Variants in PMS1 observed in about 807,000 individuals in gnomAD.
PMS1 encodes the protein PMS1 protein homolog 1.
A neutral mutation model predicts 93.1 loss-of-function variants in PMS1; 79 were observed. That is an observed-to-expected ratio of 0.85 (90% CI 0.71 to 1.02). The LOEUF (loss-of-function observed/expected upper bound fraction) is 1.02, where lower values mean the gene tolerates loss of function less well. Among genes scored for constraint, PMS1 ranks in the 50% least tolerant of loss-of-function variants. PMS1 has a pLI of 0.00. For missense variants in PMS1, 1,064 were observed against 1,085.3 expected, an observed-to-expected ratio of 0.98 and a Z score of 0.28; for synonymous variants, 335 against 363.4, an observed-to-expected ratio of 0.92 and a Z score of 0.89.
intron 1 of PMS1, among the ~76,000 whole-genome samples, chr2:189,789,777 A>G (rs1351734768): frequency 2.0e-5 from 3 of 152,190 alleles, no homozygotes; most frequent in African/African-American, 7.2e-5. Context: ...GTCATGGGAA[A>G]CAAAGTACCT....
chr2:189,815,096 C>CA (rs529543530), intron 4 of PMS1, among the ~76,000 whole-genome samples: 851 of 61,264 alleles, frequency 0.014, 5 homozygotes, highest in African/African-American at 0.034. Flanking sequence ...GACTCCATCT[C>CA]AAAAAAAAAA....
chr2:189,861,559 G>A (rs1305197086), intron 9 of PMS1, among the ~76,000 whole-genome samples: 4 of 151,928 alleles, frequency 2.6e-5, no homozygotes, highest in Non-Finnish European at 4.4e-5. Flanking sequence ...AGACCAGCCT[G>A]GCCAACATGG....
intron 4 of PMS1, among the ~76,000 whole-genome samples, chr2:189,815,946 C>G (rs10198268): frequency 6.6e-6 from 1 of 152,262 alleles, no homozygotes; most frequent in African/African-American, 2.4e-5. Flanking sequence ...TTCTGTCACC[C>G]GGGCTTGAGT....
intron 5 of PMS1, among the ~76,000 whole-genome samples, chr2:189,830,996 A>G (rs759545132): frequency 6.6e-6 from 1 of 152,086 alleles, no homozygotes. Flanking sequence ...AGTAGGAACA[A>G]CTCTGAACGT....
Position 189,867,890 on chromosome 2 carries a change from C to T in PMS1, c.2434C>T (p.Arg812Cys), listed in dbSNP as rs371745827. ...TGGATCAACTTACCTGTCTGATCCT[C>T]GTCTTACAGCGAATGGTTTCAAGAT... Reference protein sequence around the residue: ...YSGSTYLSDPRLTANGFKIKL... With the variant: ...YSGSTYLSDPCLTANGFKIKL... The change falls in exon 11 of 13, where the codon CGT becomes TGT. Residue 812 changes from arginine to cysteine, a missense_variant. Arg to Cys is a radical substitution (Grantham distance 180, BLOSUM62 -3). Coordinates refer to ENST00000441310, the MANE Select transcript of PMS1 (RefSeq NM_000534.5). The T allele has an allele frequency of 2.5e-5, 40 of 1,608,706 alleles. 1 individual carries two copies. The African/African-American group carries it at 2.5e-4, about 10-fold the overall frequency.
rs759105195 is a variant in PMS1 at position 189,854,871 on chromosome 2, T to G, written c.1599T>G (p.Tyr533Ter). ...CATGTAAAGTAAGTAATAATAATTATCCAATCCCTGAACAAATGAATCTTA... is the reference window on the plus strand; with the variant it reads ...CATGTAAAGTAAGTAATAATAATTAGCCAATCCCTGAACAAATGAATCTTA... Reference protein sequence around the residue: ...SLPCKVSNNNYPIPEQMNLNE... With the variant: ...SLPCKVSNNN The change falls in exon 9 of 13, where the codon TAT becomes TAG. Residue 533 changes from tyrosine (Y) to a stop codon, truncating the protein, a stop_gained. Transcript: ENST00000441310. LOFTEE classifies it high-confidence loss of function. 4 of 1,609,102 alleles carry G rather than the reference T, an allele frequency of 2.5e-6. No homozygotes were observed. In the East Asian group the frequency reaches 8.9e-5, roughly 36 times the overall value.
At chr2:189,845,450 G>A (rs748503288) in intron 6 of PMS1, among the ~76,000 whole-genome samples, 4 of 151,322 alleles carry the variant, frequency 2.6e-5, no homozygotes, top group African/African-American at 7.3e-5. Flanking sequence ...GTAGTTTTTC[G>A]CTTTTTCTGG....
chr2:189,867,605 A>G (rs1324255984), intron 10 of PMS1, among the ~76,000 whole-genome samples, 194 bp from the exon 11 acceptor site: 1 of 152,212 alleles, frequency 6.6e-6, no homozygotes, highest in Admixed American at 6.5e-5. Context: ...TTCTTTCTGT[A>G]TACTGTGTGC....
intron 6 of PMS1, among the ~76,000 whole-genome samples, chr2:189,849,867 C>CTTTTTTTTTTT (rs751444288): frequency 8.4e-6 from 1 of 118,896 alleles, no homozygotes; most frequent in Non-Finnish European, 1.8e-5. Flanking sequence ...TATTTTTAAA[C>CTTTTTTTTTTT]TTTTTTTTTT....
chr2:189,804,725 T>A (rs1440031183), intron 3 of PMS1, among the ~76,000 whole-genome samples: 1 of 152,094 alleles, frequency 6.6e-6, no homozygotes, highest in Non-Finnish European at 1.5e-5. Context: ...GGGGTTGGAT[T>A]CTTATGGTGT....
chr2:189,849,563 A>G (rs1416856866), intron 6 of PMS1, among the ~76,000 whole-genome samples: 1 of 152,112 alleles, frequency 6.6e-6, no homozygotes, highest in Non-Finnish European at 1.5e-5. Flanking sequence ...TAATTCTCTG[A>G]TATTTCATAT....
intron 10 of PMS1, among the ~76,000 whole-genome samples, chr2:189,864,786 G>A (rs1394195892): frequency 8.5e-6 from 1 of 117,264 alleles, no homozygotes; most frequent in African/African-American, 3.2e-5. Context: ...GAATACTCTA[G>A]ATAGTTCACT....
At chr2:189,838,749 T>C (rs1263634213) in intron 5 of PMS1, among the ~76,000 whole-genome samples, 1 of 152,224 alleles carries the variant, frequency 6.6e-6, no homozygotes, top group African/African-American at 2.4e-5. Flanking sequence ...AAATGGTTTA[T>C]CTTAAAAAGC....
At chr2:189,797,411 G>A (rs960406087) in intron 3 of PMS1, among the ~76,000 whole-genome samples, 5 of 152,176 alleles carry the variant, frequency 3.3e-5, no homozygotes, top group South Asian at 2.1e-4. Flanking sequence ...AGCAAAGCCC[G>A]TCTAGAACCT....
intron 3 of PMS1, among the ~76,000 whole-genome samples, chr2:189,804,932 T>A (rs2050205509): frequency 6.6e-6 from 1 of 152,052 alleles, no homozygotes; most frequent in African/African-American, 2.4e-5. Context: ...ATTTTACTAT[T>A]GTACTTTCAT....
intron 4 of PMS1, chr2:189,806,137 T>C (rs943287118): frequency 1.1e-5 from 4 of 362,374 alleles, no homozygotes; most frequent in Non-Finnish European, 1.5e-5. Context: ...CATCAAGATA[T>C]GATTAAATAA....
chr2:189,818,324 G>C, intron 5 of PMS1, 144 bp downstream of exon 5: 1 of 618,370 alleles, frequency 1.6e-6, no homozygotes, highest in Non-Finnish European at 2.9e-6. Context: ...ACCACCATGT[G>C]ATGTTATTAG....
intron 11 of PMS1, 34 bp downstream of exon 11, chr2:189,867,963 G>C (rs1559330035): frequency 1.3e-6 from 2 of 1,551,162 alleles, no homozygotes; most frequent in South Asian, 2.2e-5. Flanking sequence ...TTCTGATGTG[G>C]AAAAATTAGT....
chr2:189,861,821 T>C (rs2056045493), intron 9 of PMS1, among the ~76,000 whole-genome samples: 1 of 150,796 alleles, frequency 6.6e-6, no homozygotes, highest in South Asian at 2.1e-4. Flanking sequence ...TTTTGCGGTT[T>C]CCTATTTGTA....
Sources: allele counts gnomAD v4.1 joint callset (sites outside exome capture counted in the v4.1 genomes callset), GRCh38; gene constraint gnomAD v4.1.1; transcripts MANE v1.5; gene names NCBI Gene and HGNC (gene_info 2026-07-23, HGNC 2026-07-21).